The following TENM3 variants were observed in gnomAD, a reference collection of about 807,000 sequenced individuals.
TENM3 encodes the protein teneurin-3.
In TENM3, 63 loss-of-function variants were observed where a neutral mutation model predicts 255.1. That is an observed-to-expected ratio of 0.25 (90% CI 0.20 to 0.30). The LOEUF (loss-of-function observed/expected upper bound fraction) is 0.30. TENM3 is among the 10% of genes least tolerant of loss of function. The probability of loss-of-function intolerance (pLI) is 1.00; values close to 1 mark genes in which losing one functional copy is unlikely to be tolerated. For missense variants in TENM3, 2,929 were observed against 3,461.1 expected (o/e 0.85, Z 3.86); for synonymous variants, 1,306 against 1,322.3 (o/e 0.99, Z 0.27).
the TENM3 span, among the ~76,000 whole-genome samples, chr4:182,129,955 A>G: frequency 6.6e-6 from 1 of 152,150 alleles, no homozygotes; most frequent in Non-Finnish European, 1.5e-5. Flanking sequence ...ATACAAATCT[A>G]TATTGAGTTG....
At chr4:181,500,190 G>A in the TENM3 span, among the ~76,000 whole-genome samples, 6 of 151,788 alleles carry the variant, frequency 4.0e-5, no homozygotes, top group African/African-American at 1.2e-4. Context: ...CACCATGCCC[G>A]GCTAATTTTT....
At chr4:181,527,097 G>T in the TENM3 span, among the ~76,000 whole-genome samples, 1 of 152,162 alleles carries the variant, frequency 6.6e-6, no homozygotes. Flanking sequence ...TGTTGTGTTT[G>T]CACAGAGACC....
rs142283307 is a variant in TENM3, at chr4:182,356,588, A to T, written c.511+9659A>T. Among the ~76,000 whole-genome samples, 77 of 152,234 alleles carry T rather than the reference A, an allele frequency of 5.1e-4. 1 individual carries two copies. The East Asian group carries it at 0.014, about 28-fold the overall frequency. On this transcript the variant is annotated intron_variant, in intron 3 of 27. Transcript: ENST00000511685. ...GCAGAACAACAAGAAGGTGGAGTAG[A>T]GGCGATTGAGGGAAAATGAAAAGCG... is the stretch of plus-strand genomic sequence containing the variant.
chr4:181,800,688 G>T, the TENM3 span, among the ~76,000 whole-genome samples: 158 of 152,282 alleles, frequency 1.0e-3, no homozygotes, highest in African/African-American at 3.6e-3. Context: ...GCTCCTGGTT[G>T]TTCAGGTGCT....
intron 22 of TENM3, among the ~76,000 whole-genome samples, chr4:182,764,471 G>C (rs770479062): frequency 1.3e-5 from 2 of 152,134 alleles, no homozygotes; most frequent in Non-Finnish European, 2.9e-5. Context: ...GTACAGAGGA[G>C]GATCATCTAA....
At chr4:181,716,144 C>A in the TENM3 span, among the ~76,000 whole-genome samples, 1 of 151,958 alleles carries the variant, frequency 6.6e-6, no homozygotes, top group Non-Finnish European at 1.5e-5. Flanking sequence ...AGCAATATTC[C>A]GAAGTGGTTA....
chr4:182,158,422 G>A (rs574303717), intron 1 of TENM3, among the ~76,000 whole-genome samples: 10 of 152,314 alleles, frequency 6.6e-5, no homozygotes, highest in African/African-American at 2.4e-4. Context: ...TGAATGAGCA[G>A]TAGGTCTCCA....
At chr4:181,634,323 C>T in the TENM3 span, among the ~76,000 whole-genome samples, 1 of 151,470 alleles carries the variant, frequency 6.6e-6, no homozygotes, top group Non-Finnish European at 1.5e-5. Flanking sequence ...GAAAAAAATT[C>T]AGCCTCTCCA....
the TENM3 span, among the ~76,000 whole-genome samples, chr4:181,725,420 CTTT>C: frequency 3.0e-5 from 4 of 133,774 alleles, no homozygotes; most frequent in East Asian, 2.2e-4. Context: ...CTTTTTCTTT[CTTT>C]TTTTTTTTTT....
intron 1 of TENM3, among the ~76,000 whole-genome samples, chr4:182,189,893 C>A (rs963019773): frequency 6.6e-6 from 1 of 152,202 alleles, no homozygotes; most frequent in South Asian, 2.1e-4. Context: ...ATGCGTAAGG[C>A]AGACATCTGC....
At chr4:182,454,613 A>T (rs1348848360) in intron 3 of TENM3, among the ~76,000 whole-genome samples, 2 of 152,222 alleles carry the variant, frequency 1.3e-5, no homozygotes, top group East Asian at 1.9e-4. Context: ...CTTGAAAGTT[A>T]TTCAAGTTTT....
chr4:182,587,790 T>G (rs1269446048), intron 3 of TENM3, among the ~76,000 whole-genome samples: 2 of 152,188 alleles, frequency 1.3e-5, no homozygotes, highest in African/African-American at 2.4e-5. Flanking sequence ...ATTTTTTACA[T>G]TAAAATCTGA....
chr4:182,482,878 G>A (rs895269401), intron 3 of TENM3, among the ~76,000 whole-genome samples: 3 of 152,100 alleles, frequency 2.0e-5, no homozygotes, highest in East Asian at 3.9e-4. Context: ...AAGCAGTTAC[G>A]AGTGTAGACC....
the TENM3 span, among the ~76,000 whole-genome samples, chr4:181,869,142 A>C: frequency 2.6e-5 from 4 of 151,876 alleles, no homozygotes; most frequent in Non-Finnish European, 4.4e-5. Flanking sequence ...ATTTCTTTAC[A>C]TTTAGTGTCA....
At chr4:181,860,828 T>G in the TENM3 span, among the ~76,000 whole-genome samples, 1 of 152,154 alleles carries the variant, frequency 6.6e-6, no homozygotes, top group Non-Finnish European at 1.5e-5. Context: ...ATTTGCAGAC[T>G]TTTGGGCTGC....
chr4:182,003,481 C>T, the TENM3 span, among the ~76,000 whole-genome samples: 1 of 152,014 alleles, frequency 6.6e-6, no homozygotes, highest in African/African-American at 2.4e-5. Flanking sequence ...CAAAATACCT[C>T]ATAATTAATT....
At chr4:182,291,628 T>A (rs774751332) in intron 1 of TENM3, among the ~76,000 whole-genome samples, 16 of 152,134 alleles carry the variant, frequency 1.1e-4, no homozygotes, top group Admixed American at 7.9e-4. Context: ...CGTTATGTGA[T>A]GTGCTTCAGG....
At chr4:182,664,578 A>G (rs1754496299) in intron 6 of TENM3, among the ~76,000 whole-genome samples, 1 of 152,214 alleles carries the variant, frequency 6.6e-6, no homozygotes, top group Non-Finnish European at 1.5e-5. Flanking sequence ...TGGGGAAGGC[A>G]TGTCCAAGAT....
intron 5 of TENM3, among the ~76,000 whole-genome samples, chr4:182,632,134 T>C (rs1237345092): frequency 2.6e-5 from 4 of 152,230 alleles, no homozygotes; most frequent in Non-Finnish European, 1.5e-5. Context: ...TATTTTTAAA[T>C]GCATTTTATA....
Sources: allele counts gnomAD v4.1 joint callset (sites outside exome capture counted in the v4.1 genomes callset), GRCh38; gene constraint gnomAD v4.1.1; transcripts MANE v1.5; gene names NCBI Gene and HGNC (gene_info 2026-07-23, HGNC 2026-07-21).